NPLOC4: variants seen among roughly 807,000 people sequenced by gnomAD.
The protein encoded by NPLOC4 is nuclear protein localization protein 4 homolog.
Under a neutral mutation model 80.6 loss-of-function variants are expected in NPLOC4, and 18 were observed. That is an observed-to-expected ratio of 0.22 (90% CI 0.15 to 0.33). The LOEUF is 0.33. Ranked by LOEUF, NPLOC4 falls within the 10% of genes least tolerant of loss-of-function variation. The probability of loss-of-function intolerance (pLI) is 1.00; values close to 1 mark genes in which losing one functional copy is unlikely to be tolerated. For missense variants in NPLOC4, 540 were observed against 786.1 expected (o/e 0.69, Z 3.74); for synonymous variants, 313 against 301.5 (o/e 1.04, Z -0.39).
In NPLOC4 at chr17:81,567,333, C is replaced by A; in HGVS notation, c.1566+84G>T. On this transcript the variant is annotated intron_variant, in intron 15 of 16. Coordinates refer to ENST00000331134, the MANE Select transcript of NPLOC4 (RefSeq NM_017921.4). This position sits in a 1 kb window ranked among gnomAD's most constrained non-coding sequence, Gnocchi z 4.5. ...CCCAGTTTCCCAATCATGCTCTGGT[C>A]TGGGAGGAAAGAAAGCAAGACACAG... The A allele has an allele frequency of 2.4e-6, 2 of 826,152 alleles. No individual in the cohort carries two copies. The highest frequency in any genetic ancestry group is 4.1e-6 in the Non-Finnish European group (2 of 492,236). 51.2% of individuals were successfully genotyped at this position (826,152 alleles called of 1,614,324 possible).
intron 2 of NPLOC4, among the ~76,000 whole-genome samples, chr17:81,627,166 G>A (rs111454246): frequency 0.12 from 17,766 of 151,670 alleles, 1,249 homozygotes; most frequent in Admixed American, 0.22. Flanking sequence ...CGAGGCAGGC[G>A]GATCATGAGG....
At chr17:81,565,385 C>T in intron 16 of NPLOC4, 120 bp downstream of exon 16, 1 of 889,002 alleles carries the variant, frequency 1.1e-6, no homozygotes, top group East Asian at 2.6e-5. Context: ...GCCGATGGCA[C>T]CTGCCAGGAT....
At chr17:81,571,499 C>CT (rs2034159584) in intron 13 of NPLOC4, among the ~76,000 whole-genome samples, 1 of 152,222 alleles carries the variant, frequency 6.6e-6, no homozygotes, top group African/African-American at 2.4e-5. Context: ...CTCAAGAACA[C>CT]TGAGTTACAG....
intron 9 of NPLOC4, among the ~76,000 whole-genome samples, chr17:81,597,655 T>A (rs2034949931): frequency 6.6e-6 from 1 of 151,692 alleles, no homozygotes. Flanking sequence ...TGGTGGCGCA[T>A]GCCTGTAATC....
chr17:81,622,685 G>A (rs536800232), intron 2 of NPLOC4, among the ~76,000 whole-genome samples: 3 of 152,094 alleles, frequency 2.0e-5, no homozygotes, highest in South Asian at 4.2e-4. Context: ...CAAGTAGCTG[G>A]GATTACAGGC....
intron 2 of NPLOC4, among the ~76,000 whole-genome samples, chr17:81,623,013 G>C (rs2035705849): frequency 6.6e-6 from 1 of 151,556 alleles, no homozygotes; most frequent in African/African-American, 2.4e-5. Context: ...TGACCAACAT[G>C]GTGAATCCCC....
chr17:81,593,639 C>T (rs1439750305), intron 11 of NPLOC4, among the ~76,000 whole-genome samples: 1 of 152,100 alleles, frequency 6.6e-6, no homozygotes, highest in Non-Finnish European at 1.5e-5. Flanking sequence ...CCAGCCTACA[C>T]TACTGTACCC....
chr17:81,581,348 C>CAAAAAA (rs1169351301), intron 12 of NPLOC4, among the ~76,000 whole-genome samples: 2 of 8,478 alleles, frequency 2.4e-4, no homozygotes, highest in African/African-American at 2.9e-4. Flanking sequence ...GACTCCAACG[C>CAAAAAA]AAAAAAAAAA....
chr17:81,565,179 TA>T (rs947033241), intron 16 of NPLOC4: 155 of 610,866 alleles, frequency 2.5e-4, no homozygotes, highest in Non-Finnish European at 4.1e-4. Flanking sequence ...GGCGCTTCCA[TA>T]AAGTTTCTGA....
intron 1 of NPLOC4, among the ~76,000 whole-genome samples, chr17:81,631,439 T>A (rs1362200207): frequency 0.42 from 22,686 of 54,624 alleles, 2,709 homozygotes; most frequent in East Asian, 0.56. Context: ...TATATATATT[T>A]TTTTTTTTTT....
intron 13 of NPLOC4, among the ~76,000 whole-genome samples, chr17:81,570,755 A>G (rs1383359602): frequency 6.6e-6 from 1 of 152,212 alleles, no homozygotes; most frequent in African/African-American, 2.4e-5. Context: ...GGCTGAGGCC[A>G]GCGCCTGTGG....
At chr17:81,566,193 G>A (rs901133745) in intron 15 of NPLOC4, among the ~76,000 whole-genome samples, 1 of 152,128 alleles carries the variant, frequency 6.6e-6, no homozygotes, top group Non-Finnish European at 1.5e-5. Context: ...TTAGACAGGC[G>A]TGGTTGCGGG....
chr17:81,619,659 A>G (rs1403632772), intron 3 of NPLOC4, among the ~76,000 whole-genome samples: 1 of 151,948 alleles, frequency 6.6e-6, no homozygotes. Context: ...CGGGTGAATC[A>G]CTTGAGGTCA....
At chr17:81,601,580 G>A (rs1423075589) in intron 8 of NPLOC4, among the ~76,000 whole-genome samples, 7 of 152,078 alleles carry the variant, frequency 4.6e-5, no homozygotes, top group Admixed American at 3.3e-4. Flanking sequence ...TAATAGAACC[G>A]TTGAGCTCTC....
chr17:81,606,459 T>C (rs1428620663), intron 7 of NPLOC4, among the ~76,000 whole-genome samples: 1 of 152,134 alleles, frequency 6.6e-6, no homozygotes, highest in Non-Finnish European at 1.5e-5. Flanking sequence ...TGCCTCCATA[T>C]GAGCCAGCAA....
intron 1 of NPLOC4, among the ~76,000 whole-genome samples, chr17:81,632,062 G>A (rs916769977): frequency 1.3e-5 from 2 of 151,544 alleles, no homozygotes; most frequent in Non-Finnish European, 2.9e-5. Flanking sequence ...TGCAACCTCC[G>A]CCTCCCAGGT....
At chr17:81,613,613 G>C in intron 3 of NPLOC4, 119 bp from the exon 4 acceptor site, 3 of 831,272 alleles carry the variant, frequency 3.6e-6, no homozygotes, top group Non-Finnish European at 5.5e-6. Context: ...AAACAATGAG[G>C]TTTCTAACTT....
chr17:81,619,896 G>C (rs2035619941), intron 3 of NPLOC4, among the ~76,000 whole-genome samples: 2 of 151,636 alleles, frequency 1.3e-5, no homozygotes, highest in African/African-American at 4.8e-5. Flanking sequence ...AAAAAAAGGT[G>C]GGGGTACAGC....
At position 81,597,330 on chromosome 17, in the gene NPLOC4, A is replaced by G; in HGVS notation, c.922-14T>C. On this transcript the variant is annotated splice_polypyrimidine_tract_variant and intron_variant, in intron 9 of 16. Coordinates refer to ENST00000331134, the MANE Select transcript of NPLOC4 (RefSeq NM_017921.4). ...TATCCAGCCAACCTTAAAAAAAGGA[A>G]AGTAGCTTTTAAACATCTCCTCAAG... 6.2e-7 allele frequency: 1 copy of G among 1,608,698 alleles called. No homozygotes were observed.
Sources: gnomAD v4.1 joint callset for allele counts (sites outside exome capture counted in the v4.1 genomes callset) on GRCh38, gnomAD v4.1.1 for gene constraint, Gnocchi (gnomAD v3.1) non-coding constraint, MANE v1.5 for transcripts, NCBI Gene and HGNC (gene_info 2026-07-23, HGNC 2026-07-21) for gene names.